The following PHF2 variants were observed in gnomAD, a reference collection of about 807,000 sequenced individuals.
PHF2 encodes lysine-specific demethylase PHF2.
PHF2 carries 27 observed loss-of-function variants against 120.5 expected under a neutral mutation model. That is an observed-to-expected ratio of 0.22 (90% CI 0.17 to 0.31). PHF2 has a LOEUF of 0.31. Among genes scored for constraint, PHF2 ranks in the 10% least tolerant of loss-of-function variants. The pLI, the probability that PHF2 is intolerant of heterozygous loss-of-function variation, is 1.00. For synonymous variants in PHF2, 568 were observed against 592.5 expected (o/e 0.96, Z 0.60); for missense variants, 1,024 against 1,434.8 (o/e 0.71, Z 4.63).
chr9:93,665,999 A>G lies in PHF2; in HGVS notation c.2126A>G (p.Asp709Gly). The change falls in exon 16 of 22, where the codon GAT (aspartate) becomes GGT (glycine). Residue 709 changes from aspartate (D) to glycine (G), a missense_variant. Asp to Gly is a moderately conservative substitution (Grantham distance 94). Around this residue, in one of 2 missense-constraint regions of PHF2, gnomAD observed 677 missense variants for 857.4 expected, o/e 0.79. Coordinates refer to ENST00000359246, the MANE Select transcript of PHF2 (RefSeq NM_005392.4). ...TCTGCTGTGCTTTCAGTCTTGTTGG[A>G]TAAGAAGGCTGTGCTGCCCACGCCT... Reference protein sequence around the residue: ...APKRDLSFLLDKKAVLPTPVT... With the variant: ...APKRDLSFLLGKKAVLPTPVT... The G allele has an allele frequency of 6.2e-7, 1 of 1,613,328 alleles. No individual in the cohort carries two copies. Among genetic ancestry groups the G allele is most frequent in the East Asian group, 2.2e-5 (1 of 44,814 alleles).
chr9:93,650,174 C>T (rs907485992), intron 5 of PHF2, among the ~76,000 whole-genome samples: 5 of 151,786 alleles, frequency 3.3e-5, no homozygotes, highest in Non-Finnish European at 1.5e-5. Context: ...CTCGCCAACA[C>T]ACCTGTGACA....
chr9:93,634,865 G>C (rs560034864), intron 2 of PHF2, among the ~76,000 whole-genome samples: 1 of 152,278 alleles, frequency 6.6e-6, no homozygotes, highest in Non-Finnish European at 1.5e-5. Flanking sequence ...AGCACCTACC[G>C]CACCAGGTGG....
intron 1 of PHF2, among the ~76,000 whole-genome samples, chr9:93,577,349 G>C (rs1281003046): frequency 6.6e-6 from 1 of 151,896 alleles, no homozygotes; most frequent in Non-Finnish European, 1.5e-5. Flanking sequence ...CCCGGCGCGG[G>C]TCCCGGGAGA....
At chr9:93,610,927 T>C (rs937871643) in intron 1 of PHF2, among the ~76,000 whole-genome samples, 3 of 152,212 alleles carry the variant, frequency 2.0e-5, no homozygotes, top group Non-Finnish European at 4.4e-5. Context: ...GCAAACTCAG[T>C]CTCCACTCCT....
intron 1 of PHF2, among the ~76,000 whole-genome samples, chr9:93,615,730 C>T (rs1288820123): frequency 3.3e-5 from 5 of 152,280 alleles, no homozygotes; most frequent in Admixed American, 6.5e-5. Flanking sequence ...TTGACCTCTT[C>T]CCTCCTCCCC....
At chr9:93,607,483 A>G (rs1825562661) in intron 1 of PHF2, among the ~76,000 whole-genome samples, 1 of 121,744 alleles carries the variant, frequency 8.2e-6, no homozygotes, top group Non-Finnish European at 1.6e-5. Flanking sequence ...GGGTTTCACC[A>G]TGTTGCCCAG....
At chr9:93,629,708 G>T (rs7849752) in intron 1 of PHF2, among the ~76,000 whole-genome samples, 63,088 of 152,054 alleles carry the variant, frequency 0.41, 13,508 homozygotes, top group South Asian at 0.67. Flanking sequence ...TTGGTAGATG[G>T]CCTATTCATT....
intron 12 of PHF2, 53 bp from the exon 13 acceptor site, chr9:93,662,854 G>T (rs1564399491): frequency 6.2e-7 from 1 of 1,605,376 alleles, no homozygotes; most frequent in African/African-American, 1.3e-5. Context: ...GCTCAAGAGA[G>T]TTCCACCAGC....
chr9:93,616,680 C>T (rs367984337), intron 1 of PHF2, among the ~76,000 whole-genome samples: 18 of 149,404 alleles, frequency 1.2e-4, no homozygotes, highest in African/African-American at 2.2e-4. Context: ...AACAGAGTTT[C>T]GCTCTGTTGC....
At chr9:93,657,132 G>A (rs1826475555) in intron 9 of PHF2, among the ~76,000 whole-genome samples, 1 of 152,164 alleles carries the variant, frequency 6.6e-6, no homozygotes, top group South Asian at 2.1e-4. Context: ...GGTGGCTCCT[G>A]CCAGCCACCA....
chr9:93,598,433 G>A (rs1055152089), intron 1 of PHF2, among the ~76,000 whole-genome samples: 2 of 152,164 alleles, frequency 1.3e-5, no homozygotes, highest in South Asian at 2.1e-4. Context: ...AGTCCATGGG[G>A]CCCCGGGGGG....
chr9:93,649,916 AT>A (rs952571113), intron 5 of PHF2, among the ~76,000 whole-genome samples: 31 of 152,166 alleles, frequency 2.0e-4, no homozygotes, highest in African/African-American at 7.2e-4. Flanking sequence ...ACTCATAGAC[AT>A]ACTCATGACA....
chr9:93,603,471 G>A (rs2895249), intron 1 of PHF2, among the ~76,000 whole-genome samples: 46,640 of 151,742 alleles, frequency 0.31, 8,087 homozygotes, highest in Non-Finnish European at 0.4. Flanking sequence ...ACTCCTGTAG[G>A]ACACACTGCT....
At chr9:93,627,627 A>G (rs1392849525) in intron 1 of PHF2, among the ~76,000 whole-genome samples, 1 of 151,942 alleles carries the variant, frequency 6.6e-6, no homozygotes, top group Non-Finnish European at 1.5e-5. Context: ...ATTGTATACA[A>G]TGTTTGCTGT....
In PHF2 at chr9:93,673,773, T is replaced by C. The variant is rs1416869363; in HGVS notation, c.2537T>C (p.Leu846Pro). 6.2e-7 allele frequency: 1 copy of C among 1,613,404 alleles called. No homozygotes were observed. Among genetic ancestry groups the C allele is most frequent in the Admixed American group, 1.7e-5 (1 of 60,002 alleles). ...GSGKSAGKRLLKRAAKNSVDL... is the reference protein window; with the variant it reads ...GSGKSAGKRLPKRAAKNSVDL... ...GGCAAGAGTGCAGGCAAACGACTGC[T>C]GAAGAGGGCTGCCAAGAACAGTGTC... Residue 846 changes from leucine to proline, a missense_variant, in exon 18 of 22, where the codon CTG becomes CCG. Physicochemically the swap from Leu to Pro is moderately conservative, Grantham distance 98 (BLOSUM62 -3). Around this residue, in one of 2 missense-constraint regions of PHF2, gnomAD observed 677 missense variants for 857.4 expected, o/e 0.79. Coordinates refer to ENST00000359246, the MANE Select transcript of PHF2 (RefSeq NM_005392.4).
intron 1 of PHF2, among the ~76,000 whole-genome samples, chr9:93,623,975 C>G (rs76834016): frequency 9.1e-4 from 139 of 152,218 alleles, no homozygotes; most frequent in Non-Finnish European, 1.7e-3. Flanking sequence ...GTGTTCACTC[C>G]GGGCCAGGCC....
chr9:93,654,290 C>G (rs953088628), intron 6 of PHF2, 123 bp from the exon 7 acceptor site: 4 of 806,368 alleles, frequency 5.0e-6, no homozygotes, highest in Non-Finnish European at 8.0e-6. Context: ...CACCTGTGCC[C>G]TCAGTGTTGC....
chr9:93,677,504 G>T lies in PHF2; in HGVS notation c.3203-84G>T. On this transcript the variant is annotated intron_variant, in intron 21 of 21. Transcript: ENST00000359246. This position sits in a 1 kb window ranked among gnomAD's most constrained non-coding sequence, Gnocchi z 4.4. ...CTGCAGGCTGCCCCTTAGTGTCAGC[G>T]GGACCCTCCCCCCCACCGGCATGCC... 1.0e-6 allele frequency: 1 copy of T among 989,262 alleles called. No individual in the cohort carries two copies. The highest frequency in any genetic ancestry group is 1.4e-5 in the South Asian group (1 of 71,646). 61.3% of individuals were successfully genotyped at this position (989,262 alleles called of 1,614,324 possible).
chr9:93,666,313 G>C (rs56310424), intron 16 of PHF2, among the ~76,000 whole-genome samples: 9,302 of 152,224 alleles, frequency 0.061, 394 homozygotes, highest in Non-Finnish European at 0.089. Context: ...AGGTTATTGG[G>C]ATCTAGTGTA....
Sources: allele counts gnomAD v4.1 joint callset (sites outside exome capture counted in the v4.1 genomes callset), GRCh38; gene constraint gnomAD v4.1.1; regional missense constraint gnomAD v4.1.1; non-coding constraint Gnocchi (gnomAD v3.1); transcripts MANE v1.5; gene names NCBI Gene and HGNC (gene_info 2026-07-23, HGNC 2026-07-21).